Variants in PCDHA3 observed in about 807,000 individuals in gnomAD.
The protein encoded by PCDHA3 is protocadherin alpha 3.
Under a neutral mutation model 62.2 loss-of-function variants are expected in PCDHA3, and 41 were observed. That is an observed-to-expected ratio of 0.66 (90% CI 0.51 to 0.86). PCDHA3 has a LOEUF of 0.86. PCDHA3 is among the 40% of genes least tolerant of loss of function. The pLI, the probability that PCDHA3 is intolerant of heterozygous loss-of-function variation, is 0.00. For missense variants in PCDHA3, 1,304 were observed against 1,241.2 expected (o/e 1.05, Z -0.76); for synonymous variants, 640 against 555.4 (o/e 1.15, Z -2.14).
chr5:140,901,307 T>A (rs544600785), intron 1 of PCDHA3, among the ~76,000 whole-genome samples: 1 of 152,264 alleles, frequency 6.6e-6, no homozygotes, highest in East Asian at 1.9e-4. Context: ...TTCCGGAGAG[T>A]TTCCCCAATG....
intron 1 of PCDHA3, chr5:140,866,593 A>T (rs527619239): frequency 4.0e-4 from 61 of 152,276 alleles, no homozygotes; most frequent in African/African-American, 1.4e-3. Context: ...ATGTAATTCT[A>T]ATCTGTTGGT....
intron 1 of PCDHA3, among the ~76,000 whole-genome samples, chr5:140,840,437 GAAATAGAAACGTTAAATAA>G (rs1776700709): frequency 6.6e-6 from 1 of 151,948 alleles, no homozygotes; most frequent in Non-Finnish European, 1.5e-5. Context: ...TAAAGCCGTG[GAAATAGAAACGTTAAATAA>G]AAAGTTGGGG....
At chr5:140,807,103 C>A in intron 1 of PCDHA3, 1 of 1,432,858 alleles carries the variant, frequency 7.0e-7, no homozygotes, top group Non-Finnish European at 9.5e-7. Context: ...ATGGAGGATG[C>A]AGCTGCACTT....
intron 3 of PCDHA3, among the ~76,000 whole-genome samples, chr5:140,984,667 T>A (rs1554246463): frequency 6.6e-6 from 1 of 152,160 alleles, no homozygotes; most frequent in Non-Finnish European, 1.5e-5. Flanking sequence ...TACTTTTAGG[T>A]TTTTAGGACT....
intron 1 of PCDHA3, among the ~76,000 whole-genome samples, chr5:140,941,202 C>CTTTCTTTCTTTCTTTCTTTCTTT (rs1554213921): frequency 9.0e-5 from 11 of 122,780 alleles, no homozygotes; most frequent in East Asian, 8.9e-4. Flanking sequence ...TTTCTTTCTT[C>CTTTCTTTCTTTCTTTCTTTCTTT]CTTTCTTTCT....
In PCDHA3 at chr5:140,834,181, A is replaced by G. The variant is rs999943997; in HGVS notation, c.2394+30590A>G. 5 of 566,952 alleles carry G rather than the reference A, an allele frequency of 8.8e-6. No homozygotes were observed. In the South Asian group the frequency reaches 1.3e-4, roughly 15 times the overall value. The allele number at this position is 566,952 out of a possible 1,614,324, so 35.1% of individuals were successfully genotyped here. A position where few individuals can be genotyped will look rare whatever the true frequency, so the allele number is the denominator to read the frequency against. On this transcript the variant is annotated intron_variant, in intron 1 of 3. Transcript: ENST00000522353. The stretch of plus-strand genomic sequence containing the variant: ...TAATTCTTACTTACATGATGGCCAC[A>G]TGATGTCGCTCTTTACCGCAAATTC...
In PCDHA3 at chr5:140,848,677, C is replaced by A. The variant is rs142354028; in HGVS notation, c.2394+45086C>A. 4.6e-4 allele frequency: 738 copies of A among 1,592,248 alleles called. 63 individuals carry two copies. The East Asian group carries it at 6.0e-3, about 13-fold the overall frequency. ...GGGCTGGAGCTGGCGGAGCTGGTGC[C>A]GCGCCTGTTCCAGTTGGATTCCAAA... On this transcript the variant is annotated intron_variant, in intron 1 of 3. Transcript: ENST00000522353.
intron 1 of PCDHA3, chr5:140,870,429 G>T (rs1198109995): frequency 6.2e-7 from 1 of 1,614,238 alleles, no homozygotes; most frequent in African/African-American, 1.3e-5. Flanking sequence ...GGGTATCCGT[G>T]GAGGTGGCCG....
At chr5:140,844,413 A>G (rs1581068328) in intron 1 of PCDHA3, among the ~76,000 whole-genome samples, 1 of 149,462 alleles carries the variant, frequency 6.7e-6, no homozygotes, top group East Asian at 1.9e-4. Flanking sequence ...ATTTGGAGAC[A>G]TGTTTTTTAT....
At position 140,924,046 on chromosome 5, in the gene PCDHA3, C is replaced by T. The variant is rs59270862; in HGVS notation, c.2395-54903C>T. Among the ~76,000 whole-genome samples, 1,259 of 152,276 alleles carry T rather than the reference C, an allele frequency of 8.3e-3. 10 individuals are homozygous for T. The highest frequency in any genetic ancestry group is 0.029 in the African/African-American group (1,206 of 41,556). ...AGGCATGGCTGCAGACCTAAAAGTT[C>T]GGTACATCTTTACAGTTGTATTTCA... is the stretch of plus-strand genomic sequence containing the variant. On this transcript the variant is annotated intron_variant, in intron 1 of 3. Coordinates refer to ENST00000522353, the MANE Select transcript of PCDHA3 (RefSeq NM_018906.3).
chr5:140,968,782 C>G, intron 1 of PCDHA3: 1 of 1,614,192 alleles, frequency 6.2e-7, no homozygotes, highest in South Asian at 1.1e-5. Flanking sequence ...CACTATCAGC[C>G]TCTGTGGCCA....
At chr5:140,966,937 C>A in intron 1 of PCDHA3, 1 of 1,604,032 alleles carries the variant, frequency 6.2e-7, no homozygotes. Context: ...CCGGCGCGCT[C>A]GTGGGCAACG....
At chr5:140,845,294 A>T (rs2150378014) in intron 1 of PCDHA3, among the ~76,000 whole-genome samples, 1 of 149,472 alleles carries the variant, frequency 6.7e-6, no homozygotes, top group African/African-American at 2.4e-5. Flanking sequence ...TATCCTGTCT[A>T]TGTCTACCTG....
Position 140,845,842 on chromosome 5 carries a change from G to T in PCDHA3, c.2394+42251G>T, listed in dbSNP as rs2150381678. Among the ~76,000 whole-genome samples the T allele has an allele frequency of 1.3e-5, 2 of 149,848 alleles. 1 individual carries two copies. The highest frequency in any genetic ancestry group is 6.9e-3 in the Middle Eastern group (2 of 290). On this transcript the variant is annotated intron_variant, in intron 1 of 3. Transcript: ENST00000522353. ...AATTTAGTTATTACCATTCTTAAGA[G>T]AAAAGAAGTTAGTGATTGCAGAAAG...
At chr5:141,002,733 G>T (rs556024108) in intron 3 of PCDHA3, among the ~76,000 whole-genome samples, 1 of 152,314 alleles carries the variant, frequency 6.6e-6, no homozygotes, top group Admixed American at 6.5e-5. Context: ...CACAGTAAAT[G>T]TTAACTACAT....
At chr5:140,882,607 T>C (rs1313419888) in intron 1 of PCDHA3, 35 of 1,614,242 alleles carry the variant, frequency 2.2e-5, no homozygotes, top group Non-Finnish European at 3.0e-5. Flanking sequence ...TGGACAGGCC[T>C]CTGCAGGTTT....
intron 1 of PCDHA3, among the ~76,000 whole-genome samples, chr5:140,957,658 G>T (rs2095373813): frequency 6.6e-6 from 1 of 151,932 alleles, no homozygotes; most frequent in Non-Finnish European, 1.5e-5. Flanking sequence ...TTCAATCATG[G>T]AGTAAAAATT....
At chr5:140,968,862 G>C (rs375652776) in intron 1 of PCDHA3, 3 of 1,614,126 alleles carry the variant, frequency 1.9e-6, no homozygotes, top group Middle Eastern at 1.7e-4. Context: ...AAGAGCCCTC[G>C]GACATACTCT....
chr5:140,833,359 A>T (rs1015586759), intron 1 of PCDHA3, among the ~76,000 whole-genome samples: 2 of 152,216 alleles, frequency 1.3e-5, no homozygotes, highest in Non-Finnish European at 2.9e-5. Context: ...AAACGAACAC[A>T]GTAAGGTAGA....
Sources: gnomAD v4.1 joint callset for allele counts (sites outside exome capture counted in the v4.1 genomes callset) on GRCh38, gnomAD v4.1.1 for gene constraint, MANE v1.5 for transcripts, NCBI Gene and HGNC (gene_info 2026-07-23, HGNC 2026-07-21) for gene names.